EDA: variants seen among roughly 807,000 people sequenced by gnomAD.
EDA encodes ectodysplasin-A.
EDA carries 2 observed loss-of-function variants against 23.6 expected under a neutral mutation model. That is an observed-to-expected ratio of 0.08 (90% CI 0.03 to 0.27). The LOEUF (loss-of-function observed/expected upper bound fraction) is 0.27. Ranked by LOEUF, EDA falls within the 10% of genes least tolerant of loss-of-function variation. The pLI, the probability that EDA is intolerant of heterozygous loss-of-function variation, is 1.00. For missense variants in EDA, 229 were observed against 324.2 expected (o/e 0.71, Z 2.26); for synonymous variants, 131 against 132.0 (o/e 0.99, Z 0.05).
At chrX:69,640,551 G>A (rs1017664738) in intron 1 of EDA, among the ~76,000 whole-genome samples, 1 of 110,866 alleles carries the variant, frequency 9.0e-6, no homozygotes, top group African/African-American at 3.3e-5. Context: ...CAATTGGAGG[G>A]GCACACAAGA....
At chrX:69,964,780 C>T (rs2019151513) in intron 2 of EDA, among the ~76,000 whole-genome samples, 1 of 111,400 alleles carries the variant, frequency 9.0e-6, no homozygotes, top group African/African-American at 3.3e-5. Flanking sequence ...TCAGAAGGCA[C>T]CTGTTGGCTC....
At chrX:69,832,952 G>A (rs2016657137) in intron 1 of EDA, among the ~76,000 whole-genome samples, 1 of 111,207 alleles carries the variant, frequency 9.0e-6, no homozygotes, top group Non-Finnish European at 1.9e-5. Flanking sequence ...GAGACAATGG[G>A]GTTTTCTAAA....
chrX:69,826,430 A>G (rs2016437502), intron 1 of EDA, among the ~76,000 whole-genome samples: 1 of 109,543 alleles, frequency 9.1e-6, no homozygotes, highest in African/African-American at 3.3e-5. Context: ...TTCTTGTTGA[A>G]TTGATCCCTT....
At chrX:69,727,621 G>A (rs2012857714) in intron 1 of EDA, among the ~76,000 whole-genome samples, 1 of 111,821 alleles carries the variant, frequency 8.9e-6, no homozygotes, top group South Asian at 3.8e-4. Flanking sequence ...TAGGGGTTAG[G>A]ATTTCAACAT....
intron 1 of EDA, among the ~76,000 whole-genome samples, chrX:69,693,970 A>G (rs1359662846): frequency 2.7e-5 from 3 of 112,176 alleles, no homozygotes; most frequent in Admixed American, 9.4e-5. Flanking sequence ...GAAAGTACAA[A>G]TGTACCACCT....
intron 1 of EDA, among the ~76,000 whole-genome samples, chrX:69,816,768 C>T: frequency 9.0e-6 from 1 of 110,737 alleles, no homozygotes; most frequent in Admixed American, 9.7e-5. Flanking sequence ...AGAATGGAAC[C>T]AACTTTTAAA....
intron 7 of EDA, 67 bp downstream of exon 7, chrX:70,033,595 G>A (rs2020228490): frequency 4.2e-6 from 5 of 1,177,344 alleles, no homozygotes; most frequent in South Asian, 1.8e-5. Context: ...GCCACATAGG[G>A]GCACTGTGGA....
chrX:69,651,330 GTTCT>G (rs934173691), intron 1 of EDA, among the ~76,000 whole-genome samples: 2 of 111,679 alleles, frequency 1.8e-5, no homozygotes, highest in African/African-American at 3.3e-5. Context: ...ATAGTTGGAT[GTTCT>G]TTCTTTCCAG....
chrX:69,658,143 T>G (rs940414140), intron 1 of EDA, among the ~76,000 whole-genome samples: 1 of 110,641 alleles, frequency 9.0e-6, no homozygotes, highest in African/African-American at 3.3e-5. Flanking sequence ...TCTGAATTCC[T>G]TTAGTAGTAT....
intron 1 of EDA, among the ~76,000 whole-genome samples, chrX:69,773,232 C>T (rs967118316): frequency 9.8e-5 from 11 of 112,419 alleles, no homozygotes; most frequent in African/African-American, 3.6e-4. Flanking sequence ...TAGCTTGTAT[C>T]AGAAAGTCAT....
At position 69,697,795 on chromosome X, in the gene EDA, G is replaced by A. The variant is rs147404323; in HGVS notation, c.396+81091G>A. ...CACCCATCCCTTCCAGGTTTGGACT[G>A]GTACATGGGCTACTTTTCTGATGTT... On this transcript the variant is annotated intron_variant, in intron 1 of 7. Coordinates refer to ENST00000374552, the MANE Select transcript of EDA (RefSeq NM_001399.5). Among the ~76,000 whole-genome samples the A allele has an allele frequency of 3.1e-3, 342 of 112,091 alleles. 2 individuals are homozygous for A. Among genetic ancestry groups the A allele is most frequent in the African/African-American group, 0.011 (331 of 30,827 alleles).
intron 1 of EDA, among the ~76,000 whole-genome samples, chrX:69,824,123 A>G (rs1219372800): frequency 9.4e-6 from 1 of 106,684 alleles, no homozygotes; most frequent in Admixed American, 1.0e-4. Context: ...GTTTGAAGTC[A>G]GGTAGTGTGA....
At chrX:70,032,351 C>T (rs1193765755) in intron 6 of EDA, among the ~76,000 whole-genome samples, 3 of 110,727 alleles carry the variant, frequency 2.7e-5, no homozygotes, top group Admixed American at 1.9e-4. Context: ...AGAGCCAGGG[C>T]AGCTCCTAGC....
At chrX:69,654,240 C>A (rs1459201641) in intron 1 of EDA, among the ~76,000 whole-genome samples, 1 of 111,726 alleles carries the variant, frequency 9.0e-6, no homozygotes, top group African/African-American at 3.3e-5. Flanking sequence ...ATCAAAACCA[C>A]CATGAGATAC....
intron 1 of EDA, among the ~76,000 whole-genome samples, chrX:69,744,332 C>T (rs1177743891): frequency 9.0e-6 from 1 of 111,403 alleles, no homozygotes; most frequent in Non-Finnish European, 1.9e-5. Flanking sequence ...GTATCTTGTC[C>T]AAGATTATGT....
intron 1 of EDA, among the ~76,000 whole-genome samples, chrX:69,753,179 T>G (rs187575825): frequency 1.8e-3 from 198 of 111,975 alleles, no homozygotes; most frequent in Middle Eastern, 4.6e-3. Flanking sequence ...AGGGTGTCAA[T>G]TTTAGATCTT....
At chrX:69,987,197 C>T (rs1166160827) in intron 2 of EDA, among the ~76,000 whole-genome samples, 4 of 97,425 alleles carry the variant, frequency 4.1e-5, no homozygotes, top group Non-Finnish European at 6.0e-5. Context: ...GTGGGTGCAG[C>T]GCACCAGCAT....
In EDA at chrX:69,892,589, C is replaced by T. The variant is rs372011428; in HGVS notation, c.397-64438C>T. Among the ~76,000 whole-genome samples, 9 of 111,906 alleles carry T rather than the reference C, an allele frequency of 8.0e-5. No homozygotes were observed. The East Asian group carries it at 2.0e-3, about 24-fold the overall frequency. ...CCAATTGAAAAATAGATTAGAGCCA[C>T]GAAGAACATTAGAGATCATGTAATA... On this transcript the variant is annotated intron_variant, in intron 1 of 7. Transcript: ENST00000374552.
intron 1 of EDA, among the ~76,000 whole-genome samples, chrX:69,891,223 G>A (rs150311905): frequency 1.3e-4 from 15 of 111,542 alleles, no homozygotes; most frequent in African/African-American, 4.5e-4. Flanking sequence ...TTATTAAAAC[G>A]TCAAAAATAA....
Sources: gnomAD v4.1 joint callset for allele counts (sites outside exome capture counted in the v4.1 genomes callset) on GRCh38, gnomAD v4.1.1 for gene constraint, MANE v1.5 for transcripts, NCBI Gene and HGNC (gene_info 2026-07-23, HGNC 2026-07-21) for gene names.